Variants in KLRG1 observed in about 807,000 individuals in gnomAD.
The protein encoded by KLRG1 is killer cell lectin-like receptor subfamily G member 1.
A neutral mutation model predicts 21.8 loss-of-function variants in KLRG1; 16 were observed. That is an observed-to-expected ratio of 0.73 (90% confidence interval 0.50 to 1.11). The LOEUF is 1.11. Among genes scored for constraint, KLRG1 ranks in the 50% most tolerant of loss-of-function variants. KLRG1 has a pLI of 0.00. For missense variants in KLRG1, 173 were observed against 218.3 expected (o/e 0.79, Z 1.31); for synonymous variants, 69 against 75.9 (o/e 0.91, Z 0.47).
intron 1 of KLRG1, among the ~76,000 whole-genome samples, chr12:8,965,313 C>A (rs1334059260): frequency 1.3e-5 from 2 of 152,128 alleles, no homozygotes; most frequent in East Asian, 3.8e-4. Context: ...TCCTATTCAA[C>A]ATAGTGTTGG....
At chr12:9,070,511 G>A in the KLRG1 span, 6 of 1,613,424 alleles carry the variant, frequency 3.7e-6, no homozygotes, top group African/African-American at 2.7e-5. Context: ...GGCTTCAGGG[G>A]AATGAAGCCA....
intron 1 of KLRG1, among the ~76,000 whole-genome samples, chr12:8,976,377 C>T (rs1366092975): frequency 6.6e-6 from 1 of 152,090 alleles, no homozygotes; most frequent in Non-Finnish European, 1.5e-5. Flanking sequence ...GTTTTGTGAC[C>T]TGACATGTGA....
At chr12:9,159,653 G>T in the KLRG1 span, among the ~76,000 whole-genome samples, 1 of 151,782 alleles carries the variant, frequency 6.6e-6, no homozygotes, top group Admixed American at 6.6e-5. Context: ...GAAAAGAAGA[G>T]AAGGAGAGAC....
the KLRG1 span, chr12:9,101,333 A>T: frequency 7.4e-7 from 1 of 1,351,926 alleles, no homozygotes; most frequent in East Asian, 2.5e-5. Context: ...TCAAACTTTC[A>T]AAAGGAACAT....
chr12:9,113,489 G>C, the KLRG1 span: 1 of 1,613,958 alleles, frequency 6.2e-7, no homozygotes, highest in Non-Finnish European at 8.5e-7. Flanking sequence ...GAAGGACACA[G>C]CCCTTCTCAG....
chr12:9,017,071 C>T, the KLRG1 span, among the ~76,000 whole-genome samples: 1 of 151,694 alleles, frequency 6.6e-6, no homozygotes, highest in Non-Finnish European at 1.5e-5. Context: ...CAAGACCAGC[C>T]TGACCAACAT....
At chr12:9,106,864 A>AT in the KLRG1 span, among the ~76,000 whole-genome samples, 8 of 151,956 alleles carry the variant, frequency 5.3e-5, no homozygotes, top group African/African-American at 9.7e-5. Flanking sequence ...TTGAGGAGTA[A>AT]TTTTTTTTGT....
the KLRG1 span, among the ~76,000 whole-genome samples, chr12:9,078,440 T>C: frequency 4.6e-5 from 7 of 152,246 alleles, no homozygotes; most frequent in East Asian, 1.2e-3. Context: ...CAGTCTGTCA[T>C]TGATGAGCAT....
the KLRG1 span, chr12:9,163,719 C>T: frequency 3.7e-6 from 6 of 1,613,936 alleles, no homozygotes; most frequent in South Asian, 1.1e-5. Context: ...TCTCAGGGAC[C>T]TCAACAACCT....
At chr12:9,073,073 G>A in the KLRG1 span, among the ~76,000 whole-genome samples, 1 of 152,170 alleles carries the variant, frequency 6.6e-6, no homozygotes, top group Admixed American at 6.5e-5. Context: ...TGGACTGTAT[G>A]CCCTACATGT....
chr12:9,056,907 G>T, the KLRG1 span, among the ~76,000 whole-genome samples: 18 of 152,266 alleles, frequency 1.2e-4, no homozygotes, highest in Admixed American at 3.3e-4. Context: ...CCCTCTCTTA[G>T]TTCCTACTAT....
the KLRG1 span, among the ~76,000 whole-genome samples, chr12:9,082,889 T>C: frequency 6.6e-6 from 1 of 152,376 alleles, no homozygotes; most frequent in Non-Finnish European, 1.5e-5. Context: ...TATGTGTGCA[T>C]GTGTCTTTAT....
chr12:8,987,291 T>C (rs10842665), upstream of KLRG1: 64,076 of 151,956 alleles, frequency 0.42, 14,184 homozygotes, highest in African/African-American at 0.52. Context: ...TAAATCAGGT[T>C]ACAAGGGTGG....
At chr12:9,180,994 A>G in the KLRG1 span, 7 of 1,613,538 alleles carry the variant, frequency 4.3e-6, no homozygotes, top group South Asian at 1.1e-5. Context: ...GAGGACACAG[A>G]GAGCTCAGCC....
chr12:9,038,885 C>T, the KLRG1 span, among the ~76,000 whole-genome samples: 3 of 128,632 alleles, frequency 2.3e-5, no homozygotes, highest in South Asian at 7.3e-4. Context: ...GCCTGGGCAA[C>T]AAAGTGAGAC....
chr12:9,095,136 T>C, the KLRG1 span: 1 of 931,668 alleles, frequency 1.1e-6, no homozygotes, highest in African/African-American at 1.7e-5. Context: ...AAAATATACA[T>C]AGGTAGCTAC....
At chr12:9,008,895 A>G in intron 3 of KLRG1, 80 bp from the exon 4 acceptor site, 1 of 884,382 alleles carries the variant, frequency 1.1e-6, no homozygotes, top group South Asian at 1.5e-5. Flanking sequence ...TTAACTTAGT[A>G]TTAGGAATCC....
the KLRG1 span, among the ~76,000 whole-genome samples, chr12:9,122,844 T>C: frequency 1.8e-4 from 28 of 152,294 alleles, 2 homozygotes; most frequent in East Asian, 5.2e-3. Context: ...TAATGCAGTA[T>C]AATTTGAAGG....
the KLRG1 span, among the ~76,000 whole-genome samples, chr12:9,112,901 A>C: frequency 6.6e-6 from 1 of 152,182 alleles, no homozygotes; most frequent in South Asian, 2.1e-4. Context: ...TATTTTACTG[A>C]CACTAGGCTG....
Sources: gnomAD v4.1 joint callset for allele counts (sites outside exome capture counted in the v4.1 genomes callset) on GRCh38, gnomAD v4.1.1 for gene constraint, MANE v1.5 for transcripts, NCBI Gene and HGNC (gene_info 2026-07-23, HGNC 2026-07-21) for gene names.